Variants in EPB41L5 observed in about 807,000 individuals in gnomAD.
The protein encoded by EPB41L5 is erythrocyte membrane protein band 4.1 like 5.
A neutral mutation model predicts 106.6 loss-of-function variants in EPB41L5; 55 were observed. The observed-to-expected ratio is 0.52, with a 90% CI of 0.42 to 0.65. The LOEUF (loss-of-function observed/expected upper bound fraction) is 0.65. EPB41L5 is among the 30% of genes least tolerant of loss of function. The pLI is 0.00. For missense variants in EPB41L5, 871 were observed against 882.1 expected, an observed-to-expected ratio of 0.99 and a Z score of 0.16; for synonymous variants, 297 against 306.7, an observed-to-expected ratio of 0.97 and a Z score of 0.33.
At chr2:120,149,624 A>T (rs1198607337) in intron 20 of EPB41L5, among the ~76,000 whole-genome samples, 1 of 152,124 alleles carries the variant, frequency 6.6e-6, no homozygotes, top group Admixed American at 6.5e-5. Context: ...CAGTTTGTTT[A>T]TTCATCTGTT....
chr2:120,050,477 C>T (rs192681361), intron 3 of EPB41L5, among the ~76,000 whole-genome samples: 4 of 152,310 alleles, frequency 2.6e-5, no homozygotes, highest in African/African-American at 4.8e-5. Context: ...GCATGCATCA[C>T]GTCATTCTCG....
intron 3 of EPB41L5, among the ~76,000 whole-genome samples, chr2:120,045,908 G>A (rs1388612599): frequency 6.6e-6 from 1 of 150,862 alleles, no homozygotes; most frequent in Non-Finnish European, 1.5e-5. Flanking sequence ...AACATATGTT[G>A]TTTGGTTTTC....
chr2:120,062,531 A>G (rs1371075524), intron 3 of EPB41L5, among the ~76,000 whole-genome samples: 8 of 152,210 alleles, frequency 5.3e-5, no homozygotes, highest in Non-Finnish European at 1.2e-4. Flanking sequence ...AAAGAGAGAG[A>G]GTTTAAAGCT....
intron 20 of EPB41L5, among the ~76,000 whole-genome samples, chr2:120,156,112 A>G (rs972512350): frequency 2.6e-5 from 4 of 152,166 alleles, no homozygotes; most frequent in South Asian, 2.1e-4. Flanking sequence ...CCTAGGGTCA[A>G]CTTGCTCCCA....
In EPB41L5 at chr2:120,091,270, G is replaced by A. The variant is rs201752122; in HGVS notation, c.1044-285G>A. ...CACTGAGGAATGTAGATGGGAAAGA[G>A]AGGGAGTTTCCATAAAAGGACAGAT... On this transcript the variant is annotated intron_variant, in intron 12 of 24. Coordinates refer to ENST00000263713, the MANE Select transcript of EPB41L5 (RefSeq NM_020909.4). Among the ~76,000 whole-genome samples, 96 of 152,330 alleles carry A rather than the reference G, an allele frequency of 6.3e-4. No individual in the cohort carries two copies. The East Asian group carries it at 0.015, about 24-fold the overall frequency.
intron 2 of EPB41L5, among the ~76,000 whole-genome samples, chr2:120,035,614 G>T (rs1678995551): frequency 6.6e-6 from 1 of 152,180 alleles, no homozygotes; most frequent in Non-Finnish European, 1.5e-5. Context: ...AGGCTGTAGT[G>T]CAGTCTTCAC....
chr2:120,125,702 A>AT (rs1298251777), intron 16 of EPB41L5, among the ~76,000 whole-genome samples: 2 of 152,052 alleles, frequency 1.3e-5, no homozygotes, highest in African/African-American at 2.4e-5. Flanking sequence ...GCCTTTTGGG[A>AT]TTTTTTTGTC....
In EPB41L5 at chr2:120,174,785, T is replaced by G. The variant is rs1687860593; in HGVS notation, c.2136-56T>G. ...TGTGTGGCACTAATGGAGACATGAA[T>G]GTCCTCCTCCAAACCCCAGGGGTTC... is the stretch of plus-strand genomic sequence containing the variant. On this transcript the variant is annotated intron_variant, in intron 24 of 24. Coordinates refer to ENST00000263713, the MANE Select transcript of EPB41L5 (RefSeq NM_020909.4). 4 of 1,475,996 alleles carry G rather than the reference T, an allele frequency of 2.7e-6. No individual in the cohort carries two copies. In the African/African-American group the frequency reaches 5.5e-5, roughly 20 times the overall value. 91.4% of individuals were successfully genotyped at this position (1,475,996 alleles called of 1,614,324 possible).
At chr2:120,055,569 A>T (rs1680596645) in intron 3 of EPB41L5, among the ~76,000 whole-genome samples, 1 of 139,848 alleles carries the variant, frequency 7.2e-6, no homozygotes, top group Non-Finnish European at 1.5e-5. Context: ...GCTCACTGGA[A>T]CCTCTGCCTC....
intron 3 of EPB41L5, among the ~76,000 whole-genome samples, chr2:120,064,936 C>T (rs1293785985): frequency 1.3e-5 from 2 of 152,116 alleles, no homozygotes; most frequent in Non-Finnish European, 2.9e-5. Flanking sequence ...AAGAACATCA[C>T]CCAGAACTCC....
At chr2:120,129,234 G>A (rs1685592393) in intron 17 of EPB41L5, among the ~76,000 whole-genome samples, 1 of 151,944 alleles carries the variant, frequency 6.6e-6, no homozygotes, top group Non-Finnish European at 1.5e-5. Flanking sequence ...TACTCGGGAG[G>A]CTGAGACATG....
chr2:120,039,071 A>C (rs1679225611), intron 2 of EPB41L5, among the ~76,000 whole-genome samples: 1 of 152,238 alleles, frequency 6.6e-6, no homozygotes, highest in Admixed American at 6.5e-5. Context: ...CAGAAACAAG[A>C]GGACAAATAT....
chr2:120,019,088 C>A lies in EPB41L5; in HGVS notation c.4C>A (p.Leu2Met). 1 of 1,594,608 alleles carries A rather than the reference C, an allele frequency of 6.3e-7. No homozygotes were observed. The highest frequency in any genetic ancestry group is 8.5e-7 in the Non-Finnish European group (1 of 1,174,094). Residue 2 changes from leucine to methionine, a missense_variant, in exon 2 of 25, where the codon CTG (leucine) becomes ATG (methionine). By Grantham distance (15) the Leu-to-Met change is conservative. Coordinates refer to ENST00000263713, the MANE Select transcript of EPB41L5 (RefSeq NM_020909.4). ...CTCTGTTTTTATAGTGACAAAAATG[C>A]TGAGTTTCTTCCGTAGAACACTAGG... is the stretch of plus-strand genomic sequence containing the variant. Reference protein sequence around the residue: MLSFFRRTLGRR... With the variant: MMSFFRRTLGRR...
chr2:120,081,750 G>A (rs1441231667), intron 10 of EPB41L5, among the ~76,000 whole-genome samples: 1 of 152,152 alleles, frequency 6.6e-6, no homozygotes, highest in African/African-American at 2.4e-5. Context: ...AGCATGGAAT[G>A]TTCTTCCATT....
chr2:120,091,775 A>G, intron 13 of EPB41L5, 114 bp downstream of exon 13: 1 of 743,878 alleles, frequency 1.3e-6, no homozygotes, highest in Non-Finnish European at 2.2e-6. Flanking sequence ...TGTTCCAGTC[A>G]ACTAAAGTAC....
chr2:120,174,911 C>T lies in EPB41L5; in HGVS notation c.*4C>T, dbSNP rs1248428444. ...TTTACTGACCACTGAGCTCTGAGGG[C>T]CTGTAGCTGGAATACGCATCTCTCC... On this transcript the variant is annotated 3_prime_UTR_variant, in exon 25 of 25. Transcript: ENST00000263713. The T allele has an allele frequency of 6.2e-7, 1 of 1,613,700 alleles. No individual in the cohort carries two copies. The highest frequency in any genetic ancestry group is 8.5e-7 in the Non-Finnish European group (1 of 1,179,602).
intron 3 of EPB41L5, among the ~76,000 whole-genome samples, chr2:120,061,241 G>C (rs1353217145): frequency 1.0e-5 from 1 of 99,528 alleles, no homozygotes; most frequent in African/African-American, 3.5e-5. Flanking sequence ...TTTTTTTTTT[G>C]AGACGGAGTC....
chr2:120,064,610 C>A (rs1681318655), intron 3 of EPB41L5, among the ~76,000 whole-genome samples: 1 of 152,144 alleles, frequency 6.6e-6, no homozygotes, highest in Non-Finnish European at 1.5e-5. Flanking sequence ...CGATAGGATG[C>A]TAAGAAATGT....
At chr2:120,036,029 C>G (rs1480062133) in intron 2 of EPB41L5, among the ~76,000 whole-genome samples, 2 of 152,040 alleles carry the variant, frequency 1.3e-5, no homozygotes, top group Non-Finnish European at 2.9e-5. Context: ...GAGGTCTTAC[C>G]CCCTGTTCCA....
Sources: allele counts gnomAD v4.1 joint callset (sites outside exome capture counted in the v4.1 genomes callset), GRCh38; gene constraint gnomAD v4.1.1; transcripts MANE v1.5; gene names NCBI Gene and HGNC (gene_info 2026-07-23, HGNC 2026-07-21).